The following ZSWIM6 variants were observed in gnomAD, a reference collection of about 807,000 sequenced individuals.
The protein encoded by ZSWIM6 is zinc finger SWIM-type containing 6, also known as zinc finger SWIM domain-containing protein 6.
In ZSWIM6, 9 loss-of-function variants were observed where a neutral mutation model predicts 113.2. The observed-to-expected ratio is 0.08, with a 90% CI of 0.05 to 0.14. The LOEUF (loss-of-function observed/expected upper bound fraction) is 0.14. ZSWIM6 is among the 10% of genes least tolerant of loss of function. The pLI is 1.00. For missense variants in ZSWIM6, 1,162 were observed against 1,552.2 expected (o/e 0.75, Z 4.22); for synonymous variants, 611 against 606.5 (o/e 1.01, Z -0.11).
At position 61,415,797 on chromosome 5, in the gene ZSWIM6, A is replaced by G. The variant is rs115673414; in HGVS notation, c.677-56884A>G. Among the ~76,000 whole-genome samples the G allele has an allele frequency of 4.4e-3, 677 of 152,278 alleles. 3 individuals are homozygous for G. Among genetic ancestry groups the G allele is most frequent in the Non-Finnish European group, 6.8e-3 (465 of 68,022 alleles). On this transcript the variant is annotated intron_variant, in intron 1 of 13. Transcript: ENST00000252744. ...TGGATGAGCTCAAGTTAGTTAATGTATATGCTGCATTCTACCTCAGAAGGA... is the reference window on the plus strand; with the variant it reads ...TGGATGAGCTCAAGTTAGTTAATGTGTATGCTGCATTCTACCTCAGAAGGA...
chr5:61,542,227 T>C (rs899490526), intron 13 of ZSWIM6, among the ~76,000 whole-genome samples: 29 of 152,232 alleles, frequency 1.9e-4, no homozygotes, highest in Admixed American at 1.8e-3. Context: ...GTAAACTGTT[T>C]TTATTCAGTT....
intron 1 of ZSWIM6, among the ~76,000 whole-genome samples, chr5:61,452,243 A>G (rs547595560): frequency 6.6e-6 from 1 of 152,156 alleles, no homozygotes; most frequent in African/African-American, 2.4e-5. Context: ...TCTGAGATTC[A>G]TCAAAAGGTT....
chr5:61,541,780 G>A, intron 12 of ZSWIM6, 104 bp from the exon 13 acceptor site: 1 of 854,258 alleles, frequency 1.2e-6, no homozygotes, highest in East Asian at 2.8e-5. Flanking sequence ...CTTCCTGGTG[G>A]TAGACAGTAG....
chr5:61,540,719 G>A (rs1173988734), intron 12 of ZSWIM6, among the ~76,000 whole-genome samples: 1 of 145,704 alleles, frequency 6.9e-6, no homozygotes, highest in Admixed American at 6.8e-5. Context: ...AAGATGTGAT[G>A]CAGAAAGAAC....
At chr5:61,520,655 C>T (rs1228942417) in intron 4 of ZSWIM6, among the ~76,000 whole-genome samples, 2 of 151,956 alleles carry the variant, frequency 1.3e-5, no homozygotes, top group Non-Finnish European at 2.9e-5. Flanking sequence ...CCAAACTATT[C>T]ATATTTTACT....
At chr5:61,473,469 A>G (rs1266207739) in intron 2 of ZSWIM6, among the ~76,000 whole-genome samples, 1 of 152,228 alleles carries the variant, frequency 6.6e-6, no homozygotes, top group Non-Finnish European at 1.5e-5. Context: ...TTGGAAAAAC[A>G]TTATAGCTTG....
intron 1 of ZSWIM6, among the ~76,000 whole-genome samples, chr5:61,342,121 C>T (rs112477620): frequency 0.031 from 4,664 of 152,098 alleles, 230 homozygotes; most frequent in African/African-American, 0.11. Flanking sequence ...CTCAAGTGAT[C>T]CACCCACCTC....
chr5:61,479,334 A>C (rs1747797258), intron 2 of ZSWIM6, among the ~76,000 whole-genome samples: 1 of 152,050 alleles, frequency 6.6e-6, no homozygotes. Flanking sequence ...AATTAGGAGG[A>C]ATTACAAATC....
chr5:61,516,021 C>T (rs1383504261), intron 4 of ZSWIM6, among the ~76,000 whole-genome samples: 1 of 151,652 alleles, frequency 6.6e-6, no homozygotes, highest in African/African-American at 2.4e-5. Context: ...TATCTTTTTT[C>T]TTCCTTTTCC....
chr5:61,395,477 A>G (rs1221207559), intron 1 of ZSWIM6, among the ~76,000 whole-genome samples: 1 of 152,228 alleles, frequency 6.6e-6, no homozygotes, highest in Admixed American at 6.5e-5. Flanking sequence ...TCATGTTCGA[A>G]TACTGAGTTA....
intron 1 of ZSWIM6, among the ~76,000 whole-genome samples, chr5:61,469,617 C>CT (rs1210964265): frequency 6.6e-6 from 1 of 152,156 alleles, no homozygotes. Flanking sequence ...TCTTTTCTGA[C>CT]TTGTACTGTA....
intron 4 of ZSWIM6, among the ~76,000 whole-genome samples, chr5:61,516,321 T>C (rs1418851942): frequency 1.3e-5 from 2 of 149,872 alleles, no homozygotes; most frequent in Admixed American, 6.7e-5. Flanking sequence ...CCTTTGTGTT[T>C]GTATCTCCTA....
At chr5:61,390,935 G>A (rs1392230376) in intron 1 of ZSWIM6, 6 of 802,746 alleles carry the variant, frequency 7.5e-6, no homozygotes, top group Non-Finnish European at 1.1e-5. Flanking sequence ...CCCCCAGAGG[G>A]TGGCTTGTCA....
At chr5:61,475,137 TA>T (rs1747678142) in intron 2 of ZSWIM6, among the ~76,000 whole-genome samples, 1 of 152,234 alleles carries the variant, frequency 6.6e-6, no homozygotes, top group African/African-American at 2.4e-5. Flanking sequence ...GGCTTCTTAT[TA>T]AATTGTTCAG....
chr5:61,412,049 GAT>G (rs1746158575), intron 1 of ZSWIM6, among the ~76,000 whole-genome samples: 2 of 152,146 alleles, frequency 1.3e-5, no homozygotes, highest in African/African-American at 4.8e-5. Flanking sequence ...ATGAAAAATT[GAT>G]CTTTGTTATG....
At chr5:61,381,869 G>A (rs1342752750) in intron 1 of ZSWIM6, among the ~76,000 whole-genome samples, 1 of 152,164 alleles carries the variant, frequency 6.6e-6, no homozygotes, top group Non-Finnish European at 1.5e-5. Flanking sequence ...CAAAACAAAT[G>A]TAAAATTTAC....
Position 61,332,552 on chromosome 5 carries a change from G to T in ZSWIM6, c.280G>T (p.Val94Leu). 1 of 1,359,508 alleles carries T rather than the reference G, an allele frequency of 7.4e-7. No homozygotes were observed. Among genetic ancestry groups the T allele is most frequent in the Non-Finnish European group, 9.7e-7 (1 of 1,028,978 alleles). The allele number at this position is 1,359,508 out of a possible 1,614,324, so 84.2% of individuals were successfully genotyped here. A position where few individuals can be genotyped will look rare whatever the true frequency, so the allele number is the denominator to read the frequency against. Residue 94 changes from valine to leucine, a missense_variant, in exon 1 of 14, where the codon GTG (valine) becomes TTG (leucine). Around this residue, in one of 4 missense-constraint regions of ZSWIM6, gnomAD observed 333 missense variants for 293.4 expected, o/e 1.13. Coordinates refer to ENST00000252744, the MANE Select transcript of ZSWIM6 (RefSeq NM_020928.2). ...GGCGGAGAAGTGGCCGTTCCAGCGC[G>T]TGGAGGAGCGCTTTGAGCGCATCCC... ...RVAEKWPFQR[V>L]EERFERIPEP...
At chr5:61,525,713 A>G in intron 5 of ZSWIM6, 87 bp from the exon 6 acceptor site, 1 of 1,470,950 alleles carries the variant, frequency 6.8e-7, no homozygotes, top group Non-Finnish European at 9.2e-7. Context: ...GGGTGTGTTC[A>G]TGAACATCTG....
At chr5:61,538,427 G>T (rs919080300) in intron 10 of ZSWIM6, among the ~76,000 whole-genome samples, 2 of 152,078 alleles carry the variant, frequency 1.3e-5, no homozygotes, top group Non-Finnish European at 2.9e-5. Context: ...AGTTTCTGTT[G>T]ATTTATTTTT....
Sources: allele counts gnomAD v4.1 joint callset (sites outside exome capture counted in the v4.1 genomes callset), GRCh38; gene constraint gnomAD v4.1.1; regional missense constraint gnomAD v4.1.1; transcripts MANE v1.5; gene names NCBI Gene and HGNC (gene_info 2026-07-23, HGNC 2026-07-21).